Variants in DENND5B observed in about 807,000 individuals in gnomAD.
The protein encoded by DENND5B is DENN domain containing 5B.
In DENND5B, 34 loss-of-function variants were observed where a neutral mutation model predicts 140.6. The observed-to-expected ratio is 0.24, with a 90% CI of 0.18 to 0.32. The LOEUF (loss-of-function observed/expected upper bound fraction) is 0.32. Ranked by LOEUF, DENND5B falls within the 10% of genes least tolerant of loss-of-function variation. The pLI is 1.00. For synonymous variants in DENND5B, 551 were observed against 562.1 expected, an observed-to-expected ratio of 0.98 and a Z score of 0.28; for missense variants, 1,142 against 1,560.2, an observed-to-expected ratio of 0.73 and a Z score of 4.52.
intron 4 of DENND5B, among the ~76,000 whole-genome samples, chr12:31,456,590 T>C (rs1349888887): frequency 6.6e-6 from 1 of 152,210 alleles, no homozygotes; most frequent in Non-Finnish European, 1.5e-5. Flanking sequence ...AAATAGTGTA[T>C]GAGACAACTG....
intron 3 of DENND5B, among the ~76,000 whole-genome samples, chr12:31,460,638 C>T (rs546128393): frequency 1.6e-4 from 24 of 152,270 alleles, no homozygotes; most frequent in Non-Finnish European, 2.9e-4. Flanking sequence ...GGTAGACGAA[C>T]TTATATTCTC....
At chr12:31,447,433 G>C in intron 6 of DENND5B, 105 bp downstream of exon 6, 1 of 1,008,820 alleles carries the variant, frequency 9.9e-7, no homozygotes, top group Admixed American at 2.8e-5. Context: ...GATTAGCCAT[G>C]AAGTCTAAAA....
At chr12:31,496,877 T>C (rs540743399) in intron 1 of DENND5B, among the ~76,000 whole-genome samples, 4 of 152,158 alleles carry the variant, frequency 2.6e-5, no homozygotes, top group Non-Finnish European at 4.4e-5. Flanking sequence ...AAATTCCCAA[T>C]GTCAAAAATT....
chr12:31,570,011 C>T (rs536400637), intron 1 of DENND5B, among the ~76,000 whole-genome samples: 2 of 151,818 alleles, frequency 1.3e-5, no homozygotes, highest in East Asian at 2.0e-4. Context: ...CTGGCTAACA[C>T]GATGAAACCC....
rs747034281 is a variant in DENND5B, at chr12:31,398,542, TCCC to T, written c.3069-183_3069-181del. Reference sequence around the variant, plus strand: ...GTCTTGAACTCTTGGCCTCAAGTGATCCCCCCATCTCAGTCTCTCAAAGTGTGT... The same window carrying T: ...GTCTTGAACTCTTGGCCTCAAGTGATCCCATCTCAGTCTCTCAAAGTGTGT... On this transcript the variant is annotated intron_variant, in intron 16 of 20. Coordinates refer to ENST00000389082, the MANE Select transcript of DENND5B (RefSeq NM_144973.4). 6.6e-5 allele frequency among the ~76,000 whole-genome samples: 10 copies of T among 152,048 alleles called. No individual in the cohort carries two copies. In the South Asian group the frequency reaches 8.3e-4, roughly 13 times the overall value.
At chr12:31,400,557 T>G (rs551192326) in intron 15 of DENND5B, among the ~76,000 whole-genome samples, 1 of 152,292 alleles carries the variant, frequency 6.6e-6, no homozygotes, top group Admixed American at 6.5e-5. Flanking sequence ...GTTCTTTTTT[T>G]TGGTTAATTT....
intron 3 of DENND5B, among the ~76,000 whole-genome samples, chr12:31,472,689 C>T (rs549916782): frequency 6.6e-6 from 1 of 152,224 alleles, no homozygotes; most frequent in African/African-American, 2.4e-5. Flanking sequence ...CAAATCTGCT[C>T]TATTTGCCCC....
intron 8 of DENND5B, 89 bp from the exon 9 acceptor site, chr12:31,426,513 G>A: frequency 2.8e-6 from 4 of 1,440,588 alleles, no homozygotes; most frequent in African/African-American, 1.4e-5. Context: ...AGAGACAAAT[G>A]AAATGCAAAA....
chr12:31,449,918 A>G (rs377128528), intron 5 of DENND5B, among the ~76,000 whole-genome samples: 24 of 151,924 alleles, frequency 1.6e-4, no homozygotes, highest in African/African-American at 5.1e-4. Flanking sequence ...TTTTTAGTAG[A>G]GACGAGGTTT....
At chr12:31,401,106 G>T (rs1303818848) in intron 15 of DENND5B, among the ~76,000 whole-genome samples, 1 of 152,110 alleles carries the variant, frequency 6.6e-6, no homozygotes, top group Non-Finnish European at 1.5e-5. Context: ...GCCTCCCAAA[G>T]TGCTGGGATT....
chr12:31,577,697 CGA>C, intron 1 of DENND5B, among the ~76,000 whole-genome samples: 1 of 110,216 alleles, frequency 9.1e-6, no homozygotes, highest in Admixed American at 1.4e-4. Context: ...GGCGACAGAA[CGA>C]GACTCTGTCT....
At chr12:31,550,003 T>C (rs1393561159) in intron 1 of DENND5B, among the ~76,000 whole-genome samples, 2 of 152,148 alleles carry the variant, frequency 1.3e-5, no homozygotes, top group Non-Finnish European at 2.9e-5. Flanking sequence ...GGTCAAATGG[T>C]ATTTCTGGTT....
At chr12:31,574,445 C>T (rs914226616) in intron 1 of DENND5B, among the ~76,000 whole-genome samples, 1 of 151,764 alleles carries the variant, frequency 6.6e-6, no homozygotes, top group African/African-American at 2.4e-5. Context: ...CAAAAGTTAG[C>T]TGGGCATGCT....
chr12:31,445,751 G>A (rs1944246880), intron 6 of DENND5B, among the ~76,000 whole-genome samples: 1 of 151,592 alleles, frequency 6.6e-6, no homozygotes, highest in South Asian at 2.1e-4. Context: ...AGCACTTTAG[G>A]AAACTGAAGC....
At chr12:31,435,519 C>T (rs989273986) in intron 7 of DENND5B, among the ~76,000 whole-genome samples, 4 of 152,098 alleles carry the variant, frequency 2.6e-5, no homozygotes, top group Non-Finnish European at 5.9e-5. Context: ...CCTCTGTAGT[C>T]ATGTTAACAT....
chr12:31,521,710 C>G (rs1947896756), intron 1 of DENND5B, among the ~76,000 whole-genome samples: 1 of 152,130 alleles, frequency 6.6e-6, no homozygotes, highest in Admixed American at 6.5e-5. Context: ...CTTGCTTCCT[C>G]TTGCTTCCCC....
rs1942710870 is a variant in DENND5B at position 31,415,872 on chromosome 12, GTTC to G, written c.2471-427_2471-425del. 2.6e-5 allele frequency among the ~76,000 whole-genome samples: 4 copies of G among 151,418 alleles called. No homozygotes were observed. The South Asian group carries it at 8.4e-4, about 32-fold the overall frequency. On this transcript the variant is annotated intron_variant, in intron 11 of 20. Coordinates refer to ENST00000389082, the MANE Select transcript of DENND5B (RefSeq NM_144973.4). ...TTTTTTGAGATGGAGTTTCGCTCTT[GTTC>G]TCTAGGCTGGAGTGCAATGGCACGA...
intron 14 of DENND5B, among the ~76,000 whole-genome samples, chr12:31,405,986 C>G (rs1346611944): frequency 6.6e-6 from 1 of 151,696 alleles, no homozygotes; most frequent in Non-Finnish European, 1.5e-5. Context: ...GCTGGGATTA[C>G]AGGTGTGCGC....
At chr12:31,388,004 C>A (rs1404389847) in intron 20 of DENND5B, among the ~76,000 whole-genome samples, 1 of 151,984 alleles carries the variant, frequency 6.6e-6, no homozygotes, top group Admixed American at 6.6e-5. Flanking sequence ...AAGGGAAAAC[C>A]CATTATTTTA....
Sources: allele counts gnomAD v4.1 joint callset (sites outside exome capture counted in the v4.1 genomes callset), GRCh38; gene constraint gnomAD v4.1.1; transcripts MANE v1.5; gene names NCBI Gene and HGNC (gene_info 2026-07-23, HGNC 2026-07-21).